Variants in TRPS1 observed in about 807,000 individuals in gnomAD.
The protein encoded by TRPS1 is transcriptional repressor GATA binding 1.
In TRPS1, 6 loss-of-function variants were observed where a neutral mutation model predicts 101.2. The ratio of observed to expected loss-of-function variants is 0.06; its 90% CI spans 0.03 to 0.12. TRPS1 has a LOEUF of 0.12. Among genes scored for constraint, TRPS1 ranks in the 10% least tolerant of loss-of-function variants. The probability of loss-of-function intolerance (pLI) is 1.00; values close to 1 mark genes in which losing one functional copy is unlikely to be tolerated. For missense variants in TRPS1, 1,363 were observed against 1,567.0 expected (o/e 0.87, Z 2.20); for synonymous variants, 578 against 589.8 (o/e 0.98, Z 0.29).
intron 5 of TRPS1, among the ~76,000 whole-genome samples, chr8:115,518,181 G>A (rs1213668606): frequency 2.6e-5 from 4 of 151,754 alleles, no homozygotes; most frequent in African/African-American, 9.7e-5. Flanking sequence ...ATGTATGTAA[G>A]AAATTTGATG....
Position 115,587,337 on chromosome 8 carries a change from C to T in TRPS1, c.2364G>A (p.Gly788=). 1 of 1,614,194 alleles carries T rather than the reference C, an allele frequency of 6.2e-7. No homozygotes were observed. The highest frequency in any genetic ancestry group is 8.5e-7 in the Non-Finnish European group (1 of 1,180,032). Residue 788 remains glycine (G), a synonymous_variant, in exon 5 of 7, where the codon GGG becomes GGA. Coordinates refer to ENST00000395715, the MANE Select transcript of TRPS1 (RefSeq NM_014112.5). The stretch of plus-strand genomic sequence containing the variant: ...TCTCGGTCCAAACTTTCTCTTTGAG[C>T]CCGTCCTTCTCTTCCAGCTTCTCTC... ...VKREKLEEKD[G]LKEKVWTESS...
intron 5 of TRPS1, among the ~76,000 whole-genome samples, chr8:115,420,469 T>C (rs1208286210): frequency 6.6e-6 from 1 of 152,172 alleles, no homozygotes; most frequent in Non-Finnish European, 1.5e-5. Context: ...ACAAGGGCAA[T>C]GTAAATGTCC....
intron 5 of TRPS1, among the ~76,000 whole-genome samples, chr8:115,485,483 A>G (rs1010123852): frequency 1.4e-4 from 21 of 152,250 alleles, no homozygotes; most frequent in Non-Finnish European, 5.9e-5. Context: ...TTAAGCTGCT[A>G]CATTTGTAGT....
chr8:115,631,448 C>G (rs980330078), intron 1 of TRPS1, among the ~76,000 whole-genome samples: 1 of 152,010 alleles, frequency 6.6e-6, no homozygotes, highest in Non-Finnish European at 1.5e-5. Flanking sequence ...CCAGGTGCAA[C>G]ACATCTGAGG....
intron 5 of TRPS1, among the ~76,000 whole-genome samples, chr8:115,581,480 T>C (rs1586425713): frequency 6.6e-6 from 1 of 152,120 alleles, no homozygotes; most frequent in East Asian, 1.9e-4. Flanking sequence ...CCACACATTA[T>C]ATGTATCACA....
intron 4 of TRPS1, among the ~76,000 whole-genome samples, chr8:115,601,552 T>G (rs1034391806): frequency 6.6e-6 from 1 of 152,152 alleles, no homozygotes; most frequent in African/African-American, 2.4e-5. Flanking sequence ...CTCAGCACCT[T>G]AAAGGATCCC....
At chr8:115,440,788 C>T (rs1487167390) in intron 5 of TRPS1, among the ~76,000 whole-genome samples, 2 of 152,088 alleles carry the variant, frequency 1.3e-5, no homozygotes, top group East Asian at 3.9e-4. Context: ...ATTATCAAAC[C>T]ACAATGCCTG....
chr8:115,460,258 AG>A (rs1186285253), intron 5 of TRPS1, among the ~76,000 whole-genome samples: 1 of 151,998 alleles, frequency 6.6e-6, no homozygotes, highest in African/African-American at 2.4e-5. Context: ...AGACTGAAAA[AG>A]TTTTCTTTTT....
At chr8:115,598,438 C>G (rs1817836307) in intron 4 of TRPS1, among the ~76,000 whole-genome samples, 1 of 152,082 alleles carries the variant, frequency 6.6e-6, no homozygotes, top group African/African-American at 2.4e-5. Flanking sequence ...GCCTGAGTAC[C>G]TGGGACCACA....
At chr8:115,650,487 C>T (rs1811534995) in intron 1 of TRPS1, among the ~76,000 whole-genome samples, 1 of 152,140 alleles carries the variant, frequency 6.6e-6, no homozygotes, top group Non-Finnish European at 1.5e-5. Context: ...ACAATAATAG[C>T]AGGGCTTAAT....
chr8:115,553,485 C>T (rs575967209), intron 5 of TRPS1, among the ~76,000 whole-genome samples: 11 of 152,212 alleles, frequency 7.2e-5, no homozygotes, highest in Admixed American at 2.0e-4. Flanking sequence ...AGGCTGACCA[C>T]GCTGTTAAAA....
rs149541910 is a variant in TRPS1 at position 115,642,604 on chromosome 8, C to A, written c.-121-18846G>T. Among the ~76,000 whole-genome samples, 138 of 151,752 alleles carry A rather than the reference C, an allele frequency of 9.1e-4. 1 individual carries two copies. The highest frequency in any genetic ancestry group is 3.2e-3 in the African/African-American group (132 of 41,394). On this transcript the variant is annotated intron_variant, in intron 1 of 6. Coordinates refer to ENST00000395715, the MANE Select transcript of TRPS1 (RefSeq NM_014112.5). ...AATACAATTCAATAGCAGCACCTGCCAACAAAAATTTAAAATTGGTACTCT... is the reference window on the plus strand; with the variant it reads ...AATACAATTCAATAGCAGCACCTGCAAACAAAAATTTAAAATTGGTACTCT...
At chr8:115,535,548 CAT>C (rs140856876) in intron 5 of TRPS1, among the ~76,000 whole-genome samples, 76 of 145,040 alleles carry the variant, frequency 5.2e-4, no homozygotes, top group Admixed American at 1.3e-3. Context: ...ATATATAGCG[CAT>C]ATATATATAT....
At chr8:115,498,863 A>T (rs1055535977) in intron 5 of TRPS1, among the ~76,000 whole-genome samples, 1 of 152,142 alleles carries the variant, frequency 6.6e-6, no homozygotes, top group African/African-American at 2.4e-5. Context: ...TGAAGTTGTA[A>T]TAATGTAACC....
At chr8:115,427,769 A>G (rs1813222053) in intron 5 of TRPS1, among the ~76,000 whole-genome samples, 1 of 145,680 alleles carries the variant, frequency 6.9e-6, no homozygotes, top group African/African-American at 2.5e-5. Flanking sequence ...TTCATCAGAT[A>G]TGGCAACGAG....
intron 1 of TRPS1, among the ~76,000 whole-genome samples, chr8:115,624,428 T>C (rs1316955063): frequency 1.3e-5 from 2 of 151,950 alleles, no homozygotes; most frequent in Admixed American, 1.3e-4. Flanking sequence ...TATGTAATAG[T>C]GAGCAGGCCT....
chr8:115,533,346 G>T (rs1816181665), intron 5 of TRPS1, among the ~76,000 whole-genome samples: 1 of 149,398 alleles, frequency 6.7e-6, no homozygotes, highest in South Asian at 2.1e-4. Context: ...GGTAAATCCT[G>T]TCTACAATGC....
At chr8:115,509,981 T>C (rs1191963813) in intron 5 of TRPS1, among the ~76,000 whole-genome samples, 4 of 152,002 alleles carry the variant, frequency 2.6e-5, no homozygotes, top group Non-Finnish European at 4.4e-5. Flanking sequence ...GAAACATTTT[T>C]CTCATTTGTA....
intron 5 of TRPS1, among the ~76,000 whole-genome samples, chr8:115,501,322 A>G (rs376864777): frequency 1.3e-5 from 2 of 152,240 alleles, no homozygotes; most frequent in African/African-American, 4.8e-5. Flanking sequence ...AAAAAGGTAG[A>G]CAATTCTGTC....
Sources: gnomAD v4.1 joint callset for allele counts (sites outside exome capture counted in the v4.1 genomes callset) on GRCh38, gnomAD v4.1.1 for gene constraint, MANE v1.5 for transcripts, NCBI Gene and HGNC (gene_info 2026-07-23, HGNC 2026-07-21) for gene names.